The following TRIQK variants were observed in gnomAD, a reference collection of about 807,000 sequenced individuals.
TRIQK encodes triple QxxK/R motif containing, also known as triple QxxK/R motif-containing protein.
A neutral mutation model predicts 10.8 loss-of-function variants in TRIQK; 10 were observed. The ratio of observed to expected loss-of-function variants is 0.92; its 90% CI spans 0.57 to 1.57. TRIQK has a LOEUF of 1.57. TRIQK is among the 40% of genes most tolerant of loss of function. TRIQK has a pLI of 0.00. For missense variants in TRIQK, 107 were observed against 97.7 expected (o/e 1.09, Z -0.40); for synonymous variants, 33 against 33.7 (o/e 0.98, Z 0.07).
At chr8:92,932,796 A>G (rs1810800882) in intron 2 of TRIQK, among the ~76,000 whole-genome samples, 1 of 152,124 alleles carries the variant, frequency 6.6e-6, no homozygotes, top group Non-Finnish European at 1.5e-5. Context: ...TTATTCAATT[A>G]GTTAGAATTA....
rs1021797125 is a variant in TRIQK, at chr8:92,976,371, C to T, written c.-180-21807G>A. 2.0e-5 allele frequency among the ~76,000 whole-genome samples: 3 copies of T among 151,946 alleles called. No homozygotes were observed. The South Asian group carries it at 6.2e-4, about 31-fold the overall frequency. On this transcript the variant is annotated intron_variant, in intron 1 of 4. Coordinates refer to the TRIQK transcript ENST00000520686. ...TATATCCTCTAAGATTAACTGACTC[C>T]TTCATCATTATGAAATGACATTTTT...
chr8:92,985,726 G>A (rs1006439475), intron 1 of TRIQK, among the ~76,000 whole-genome samples: 2 of 152,068 alleles, frequency 1.3e-5, no homozygotes, highest in African/African-American at 2.4e-5. Flanking sequence ...ATGAGTTTTT[G>A]TTGCCGATGT....
chr8:92,890,132 A>G (rs529692699), intron 4 of TRIQK, among the ~76,000 whole-genome samples: 2 of 151,902 alleles, frequency 1.3e-5, no homozygotes, highest in East Asian at 1.9e-4. Context: ...TTGCTGAAAG[A>G]AACTTTGTTA....
chr8:92,890,893 C>A (rs1816732868), intron 4 of TRIQK, among the ~76,000 whole-genome samples: 1 of 151,706 alleles, frequency 6.6e-6, no homozygotes, highest in Non-Finnish European at 1.5e-5. Flanking sequence ...TTTAAAAAGT[C>A]ACGTCATAAA....
chr8:92,892,532 C>T (rs369569561), intron 3 of TRIQK, among the ~76,000 whole-genome samples: 4 of 151,818 alleles, frequency 2.6e-5, no homozygotes, highest in African/African-American at 9.7e-5. Context: ...CCCCAAGTTT[C>T]CTTTAAGTAA....
chr8:93,001,064 T>C (rs1464831949), intron 1 of TRIQK, among the ~76,000 whole-genome samples: 1 of 152,034 alleles, frequency 6.6e-6, no homozygotes, highest in Non-Finnish European at 1.5e-5. Flanking sequence ...TCCCAGCACT[T>C]TGGGAGGCTG....
intron 1 of TRIQK, among the ~76,000 whole-genome samples, chr8:92,962,187 A>G (rs983676419): frequency 3.9e-5 from 6 of 152,224 alleles, no homozygotes; most frequent in African/African-American, 1.4e-4. Context: ...TGAGAATATC[A>G]AATATGATCA....
intron 3 of TRIQK, among the ~76,000 whole-genome samples, chr8:92,906,253 C>T (rs958461974): frequency 1.3e-5 from 2 of 152,028 alleles, no homozygotes; most frequent in Admixed American, 6.6e-5. Context: ...ATTCTACATA[C>T]CTATAGGCAA....
chr8:92,917,924 T>C (rs1031963086), intron 2 of TRIQK, among the ~76,000 whole-genome samples: 1 of 152,058 alleles, frequency 6.6e-6, no homozygotes, highest in African/African-American at 2.4e-5. Flanking sequence ...TTCTACTCTC[T>C]ACCTCCATGA....
chr8:92,929,730 C>A (rs1425343281), intron 2 of TRIQK: 1 of 151,866 alleles, frequency 6.6e-6, no homozygotes, highest in Non-Finnish European at 1.5e-5. Context: ...TCTGAAAGGC[C>A]ACATGAGGGA....
intron 3 of TRIQK, among the ~76,000 whole-genome samples, chr8:92,901,246 G>C (rs966392183): frequency 2.0e-5 from 3 of 151,814 alleles, no homozygotes; most frequent in Non-Finnish European, 4.4e-5. Flanking sequence ...TCTTTCTTTT[G>C]TCTGATTGCT....
intron 3 of TRIQK, among the ~76,000 whole-genome samples, chr8:92,909,568 A>C (rs2130405556): frequency 6.6e-6 from 1 of 151,974 alleles, no homozygotes; most frequent in South Asian, 2.1e-4. Context: ...TGGACATAAC[A>C]GCTTGTCATG....
chr8:92,885,783 G>A lies in TRIQK; in HGVS notation c.*839C>T, dbSNP rs902321226. 6.6e-6 allele frequency: 1 copy of A among 151,682 alleles called. No homozygotes were observed. The highest frequency in any genetic ancestry group is 1.5e-5 in the Non-Finnish European group (1 of 67,816). The allele number at this position is 151,682 out of a possible 1,614,324, so 9.4% of individuals were successfully genotyped here. ...TAAGAAGATGATTCTGAGTAGGTAG[G>A]ATTTTTGCTATTACTGTTATGTGAA... On this transcript the variant is annotated 3_prime_UTR_variant, in exon 5 of 5. Transcript: ENST00000521988.
At chr8:92,961,473 G>A (rs1237391665) in intron 1 of TRIQK, among the ~76,000 whole-genome samples, 2 of 152,090 alleles carry the variant, frequency 1.3e-5, no homozygotes, top group Non-Finnish European at 2.9e-5. Flanking sequence ...GCTCAAGCAT[G>A]TTGTTCAAAA....
At chr8:92,946,872 T>C (rs745816443) in intron 2 of TRIQK, among the ~76,000 whole-genome samples, 2 of 152,054 alleles carry the variant, frequency 1.3e-5, no homozygotes, top group South Asian at 2.1e-4. Flanking sequence ...GCCATTCTCC[T>C]GCCTCAGCCT....
At chr8:92,948,306 T>C (rs753419331) in intron 2 of TRIQK, among the ~76,000 whole-genome samples, 1 of 152,224 alleles carries the variant, frequency 6.6e-6, no homozygotes, top group Non-Finnish European at 1.5e-5. Flanking sequence ...TTACTTGGAA[T>C]GCTGCATCTT....
At chr8:92,957,475 T>C (rs1017810500) in intron 1 of TRIQK, among the ~76,000 whole-genome samples, 1 of 151,912 alleles carries the variant, frequency 6.6e-6, no homozygotes, top group African/African-American at 2.4e-5. Context: ...TTTCATTATA[T>C]ATCTAAATCA....
In TRIQK at chr8:92,884,353, TG is replaced by T; in HGVS notation, c.*2268del. ...TGAGTTTTGCAAAGTTTGCATTTCA[TG>T]AAAACAGTGTTGTGTAAACATATAT... On this transcript the variant is annotated 3_prime_UTR_variant, in exon 5 of 5. Transcript: ENST00000521988. 1 of 155,200 alleles carries T rather than the reference TG, an allele frequency of 6.4e-6. No homozygotes were observed. Among genetic ancestry groups the T allele is most frequent in the Non-Finnish European group, 1.4e-5 (1 of 69,922 alleles). 9.6% of individuals were successfully genotyped at this position (155,200 alleles called of 1,614,324 possible). A position where few individuals can be genotyped will look rare whatever the true frequency, so the allele number is the denominator to read the frequency against.
chr8:92,891,216 T>C (rs1223171383), intron 4 of TRIQK, among the ~76,000 whole-genome samples: 2 of 151,902 alleles, frequency 1.3e-5, no homozygotes, highest in Admixed American at 1.3e-4. Flanking sequence ...CTGTAAGCTA[T>C]AACTTAGAAA....
Sources: allele counts gnomAD v4.1 joint callset (sites outside exome capture counted in the v4.1 genomes callset), GRCh38; gene constraint gnomAD v4.1.1; transcripts MANE v1.5; gene names NCBI Gene and HGNC (gene_info 2026-07-23, HGNC 2026-07-21).